Variants in DNAI4 observed in about 807,000 individuals in gnomAD.
DNAI4 encodes dynein axonemal intermediate chain 4.
Under a neutral mutation model 105.8 loss-of-function variants are expected in DNAI4, and 85 were observed. That is an observed-to-expected ratio of 0.80 (90% CI 0.67 to 0.96). The LOEUF (loss-of-function observed/expected upper bound fraction) is 0.96, where lower values mean the gene tolerates loss of function less well. Among genes scored for constraint, DNAI4 ranks in the 40% least tolerant of loss-of-function variants. DNAI4 has a pLI of 0.00. For synonymous variants in DNAI4, 352 were observed against 331.5 expected, an observed-to-expected ratio of 1.06 and a Z score of -0.67; for missense variants, 1,014 against 1,005.6, an observed-to-expected ratio of 1.01 and a Z score of -0.11.
At chr1:66,898,172 C>T (rs1648499536) in intron 2 of DNAI4, among the ~76,000 whole-genome samples, 1 of 152,162 alleles carries the variant, frequency 6.6e-6, no homozygotes, top group East Asian at 1.9e-4. Context: ...GGCCTATTCT[C>T]CCTTTTAGAA....
rs140426947 is a variant in DNAI4 at position 66,863,051 on chromosome 1, G to A, written c.941-749C>T. Reference sequence around the variant, plus strand: ...CTCAAGAAGCTTGTATAGTAGTACGGTTATTATCGTCTCTTTTAAAATTAT... The same window carrying A: ...CTCAAGAAGCTTGTATAGTAGTACGATTATTATCGTCTCTTTTAAAATTAT... On this transcript the variant is annotated intron_variant, in intron 6 of 16. Transcript: ENST00000371026. Among the ~76,000 whole-genome samples, 56 of 152,242 alleles carry A rather than the reference G, an allele frequency of 3.7e-4. 1 individual carries two copies. Among genetic ancestry groups the A allele is most frequent in the African/African-American group, 1.1e-3 (46 of 41,546 alleles).
At chr1:66,838,709 G>A (rs1311409624) in intron 9 of DNAI4, among the ~76,000 whole-genome samples, 1 of 152,050 alleles carries the variant, frequency 6.6e-6, no homozygotes, top group Non-Finnish European at 1.5e-5. Flanking sequence ...AATTCCCTCT[G>A]TCTTAAAAAC....
At chr1:66,899,180 C>T (rs1465525343) in intron 2 of DNAI4, among the ~76,000 whole-genome samples, 6 of 152,164 alleles carry the variant, frequency 3.9e-5, no homozygotes, top group Non-Finnish European at 8.8e-5. Context: ...TGAGGCACTT[C>T]CAAACTATTT....
At chr1:66,869,353 C>T (rs1398300945) in intron 6 of DNAI4, among the ~76,000 whole-genome samples, 2 of 151,548 alleles carry the variant, frequency 1.3e-5, no homozygotes, top group East Asian at 3.9e-4. Context: ...AAGAATCATT[C>T]TTTTTTTATT....
intron 7 of DNAI4, chr1:66,860,892 G>A (rs796625494): frequency 2.6e-5 from 4 of 152,088 alleles, no homozygotes; most frequent in African/African-American, 7.2e-5. Flanking sequence ...TAGTGATAAC[G>A]AATATTAAAT....
intron 1 of DNAI4, among the ~76,000 whole-genome samples, chr1:66,921,611 T>C (rs1267597438): frequency 6.6e-6 from 1 of 152,244 alleles, no homozygotes; most frequent in East Asian, 1.9e-4. Flanking sequence ...TTAGACATCA[T>C]ACTATGAGAG....
At chr1:66,916,105 A>G (rs1650053629) in intron 1 of DNAI4, among the ~76,000 whole-genome samples, 1 of 150,986 alleles carries the variant, frequency 6.6e-6, no homozygotes, top group Non-Finnish European at 1.5e-5. Flanking sequence ...AAAAAAAAGA[A>G]TCCCATATGG....
chr1:66,915,617 T>C (rs1200562789), intron 1 of DNAI4, among the ~76,000 whole-genome samples: 1 of 152,290 alleles, frequency 6.6e-6, no homozygotes, highest in South Asian at 2.1e-4. Flanking sequence ...AAAAAGTTTA[T>C]ATTGTAGAAA....
intron 16 of DNAI4, 88 bp from the exon 17 acceptor site, chr1:66,814,268 A>C: frequency 1.0e-6 from 1 of 965,408 alleles, no homozygotes; most frequent in Non-Finnish European, 1.6e-6. Context: ...AAAATTTATA[A>C]GTTAGTGATA....
chr1:66,855,752 C>T (rs1212438840), intron 7 of DNAI4, among the ~76,000 whole-genome samples: 2 of 152,206 alleles, frequency 1.3e-5, no homozygotes, highest in African/African-American at 4.8e-5. Context: ...TCCATTATTA[C>T]AGATGGAGAC....
At chr1:66,916,306 A>T (rs1569895715) in intron 1 of DNAI4, among the ~76,000 whole-genome samples, 1 of 152,186 alleles carries the variant, frequency 6.6e-6, no homozygotes, top group Middle Eastern at 3.4e-3. Flanking sequence ...TTGAGATTAA[A>T]TTTTTTTTAA....
chr1:66,869,714 A>T (rs1169158616), intron 6 of DNAI4, among the ~76,000 whole-genome samples: 1 of 152,214 alleles, frequency 6.6e-6, no homozygotes, highest in Non-Finnish European at 1.5e-5. Flanking sequence ...TGGCTGATAC[A>T]GTTTAGATGT....
At chr1:66,853,847 T>C (rs1027718499) in intron 7 of DNAI4, among the ~76,000 whole-genome samples, 6 of 151,938 alleles carry the variant, frequency 3.9e-5, no homozygotes, top group African/African-American at 7.3e-5. Flanking sequence ...TTACTCAATA[T>C]AGTGATAGAA....
At chr1:66,866,590 T>C (rs1646738902) in intron 6 of DNAI4, among the ~76,000 whole-genome samples, 1 of 152,312 alleles carries the variant, frequency 6.6e-6, no homozygotes, top group South Asian at 2.1e-4. Flanking sequence ...CAATGTATTT[T>C]ATTGTCTTCT....
At chr1:66,844,920 C>T (rs770752429) in intron 8 of DNAI4, among the ~76,000 whole-genome samples, 26 of 151,948 alleles carry the variant, frequency 1.7e-4, no homozygotes, top group African/African-American at 4.1e-4. Context: ...AGGCTGGGCA[C>T]GGTGGCTCAT....
chr1:66,837,067 A>T (rs2100450950), intron 10 of DNAI4, among the ~76,000 whole-genome samples: 1 of 152,316 alleles, frequency 6.6e-6, no homozygotes, highest in African/African-American at 2.4e-5. Flanking sequence ...CCAGGTATTT[A>T]AAAAACATAA....
chr1:66,891,906 C>CT (rs1647685749), intron 3 of DNAI4, among the ~76,000 whole-genome samples: 1 of 152,068 alleles, frequency 6.6e-6, no homozygotes, highest in African/African-American at 2.4e-5. Context: ...TACTTTTTTT[C>CT]TTTTTTTAGT....
intron 2 of DNAI4, among the ~76,000 whole-genome samples, chr1:66,899,983 G>T (rs200356023): frequency 3.9e-5 from 6 of 152,170 alleles, no homozygotes; most frequent in Non-Finnish European, 8.8e-5. Context: ...TTGAAACAGC[G>T]AAGTGTGAAT....
intron 10 of DNAI4, among the ~76,000 whole-genome samples, chr1:66,837,377 A>AG (rs1486383006): frequency 6.6e-6 from 1 of 151,722 alleles, no homozygotes; most frequent in Non-Finnish European, 1.5e-5. Context: ...AAAAAAAAAA[A>AG]AAAAAAACAT....
Sources: allele counts gnomAD v4.1 joint callset (sites outside exome capture counted in the v4.1 genomes callset), GRCh38; gene constraint gnomAD v4.1.1; transcripts MANE v1.5; gene names NCBI Gene and HGNC (gene_info 2026-07-23, HGNC 2026-07-21).